Variants in DAB1 observed in about 807,000 individuals in gnomAD.
DAB1 encodes DAB adaptor protein 1.
A neutral mutation model predicts 64.6 loss-of-function variants in DAB1; 15 were observed. The observed-to-expected ratio is 0.23, with a 90% CI of 0.16 to 0.36. DAB1 has a LOEUF of 0.36. DAB1 is among the 10% of genes least tolerant of loss of function. The pLI, the probability that DAB1 is intolerant of heterozygous loss-of-function variation, is 1.00. For missense variants in DAB1, 596 were observed against 706.7 expected (o/e 0.84, Z 1.78); for synonymous variants, 235 against 251.9 (o/e 0.93, Z 0.64).
At chr1:57,199,939 C>T (rs778490615) in intron 2 of DAB1, among the ~76,000 whole-genome samples, 1 of 152,196 alleles carries the variant, frequency 6.6e-6, no homozygotes, top group East Asian at 1.9e-4. Context: ...GTCCAAGCTG[C>T]ACAAGCTGCA....
At chr1:58,417,697 G>GA (rs1157801636) in intron 3 of DAB1, among the ~76,000 whole-genome samples, 3 of 152,228 alleles carry the variant, frequency 2.0e-5, no homozygotes, top group South Asian at 2.1e-4. Flanking sequence ...CTGCTAGGTG[G>GA]AAAAAATAGG....
chr1:57,646,465 C>T lies in DAB1; in HGVS notation n.625+3127G>A, dbSNP rs146240236. ...ATGCTGGTGCACAAAACTCTGGTTG[C>T]TGCTGGGCATGGTGGCTAATGCCTG... On this transcript the variant is annotated intron_variant and non_coding_transcript_variant, in intron 7 of 20. Transcript: ENST00000485760. Among the ~76,000 whole-genome samples, 531 of 152,260 alleles carry T rather than the reference C, an allele frequency of 3.5e-3. 4 individuals carry two copies. The highest frequency in any genetic ancestry group is 0.012 in the African/African-American group (491 of 41,546).
intron 2 of DAB1, among the ~76,000 whole-genome samples, chr1:58,509,545 A>G (rs994020680): frequency 3.3e-5 from 5 of 151,648 alleles, no homozygotes; most frequent in African/African-American, 9.7e-5. Flanking sequence ...TTAAAAAAAA[A>G]AAGAAGAAAG....
At chr1:57,333,971 G>C (rs1676881261) in intron 1 of DAB1, among the ~76,000 whole-genome samples, 3 of 152,176 alleles carry the variant, frequency 2.0e-5, no homozygotes, top group Non-Finnish European at 2.9e-5. Context: ...ACAGAGACAA[G>C]GGTTGGAGGA....
chr1:57,837,739 G>A (rs1422735987), intron 1 of DAB1, among the ~76,000 whole-genome samples: 1 of 151,516 alleles, frequency 6.6e-6, no homozygotes. Context: ...TTTAATACTT[G>A]AGCAGTCTTA....
chr1:57,291,237 G>A (rs1228737731), intron 1 of DAB1, 71 bp from the exon 2 acceptor site: 1 of 407,078 alleles, frequency 2.5e-6, no homozygotes, highest in Non-Finnish European at 4.3e-6. Flanking sequence ...TATAAAAAGT[G>A]AATTGGCAAA....
At chr1:57,494,600 G>A (rs1041860778) in intron 7 of DAB1, among the ~76,000 whole-genome samples, 7 of 152,168 alleles carry the variant, frequency 4.6e-5, no homozygotes, top group South Asian at 2.1e-4. Flanking sequence ...GCTGCTCCTC[G>A]AGGTAAACAC....
intron 7 of DAB1, among the ~76,000 whole-genome samples, chr1:57,620,770 T>C (rs1286563937): frequency 6.6e-6 from 1 of 152,100 alleles, no homozygotes; most frequent in Non-Finnish European, 1.5e-5. Context: ...GAGGAGGACG[T>C]AACAGCTGCA....
intron 6 of DAB1, among the ~76,000 whole-genome samples, chr1:57,790,283 C>A (rs114912846): frequency 2.0e-5 from 3 of 152,054 alleles, no homozygotes; most frequent in African/African-American, 7.3e-5. Flanking sequence ...GGAGTTCTCA[C>A]GAGATTTGAT....
At chr1:57,722,695 T>C (rs1258768996) in intron 6 of DAB1, among the ~76,000 whole-genome samples, 5 of 152,242 alleles carry the variant, frequency 3.3e-5, no homozygotes, top group Admixed American at 1.3e-4. Context: ...GCCTTTCCAA[T>C]TGAGGGGATT....
rs1374294958 is a variant in DAB1 at position 58,469,194 on chromosome 1, T to C, written n.257+36866A>G. The stretch of plus-strand genomic sequence containing the variant: ...GCCATCAGTGATCCAAGAGGCTCCA[T>C]GGTAAGGCTTTGGAATCACACAGAC... On this transcript the variant is annotated intron_variant and non_coding_transcript_variant, in intron 3 of 20. Coordinates refer to the DAB1 transcript ENST00000485760. Among the ~76,000 whole-genome samples the C allele has an allele frequency of 2.6e-5, 4 of 152,332 alleles. No individual in the cohort carries two copies. In the East Asian group the frequency reaches 7.7e-4, roughly 29 times the overall value.
intron 6 of DAB1, among the ~76,000 whole-genome samples, chr1:57,799,550 G>A (rs1651025890): frequency 7.5e-6 from 1 of 133,176 alleles, no homozygotes; most frequent in Admixed American, 8.1e-5. Flanking sequence ...GTCATTGAAG[G>A]TTTTGAGATG....
chr1:58,016,280 G>A (rs1210612402), intron 5 of DAB1, among the ~76,000 whole-genome samples: 1 of 152,090 alleles, frequency 6.6e-6, no homozygotes, highest in East Asian at 1.9e-4. Context: ...CATAATGAAT[G>A]GGCATGGCTA....
At position 58,152,629 on chromosome 1, in the gene DAB1, C is replaced by T. The variant is rs544323063; in HGVS notation, n.310-2041G>A. The stretch of plus-strand genomic sequence containing the variant: ...TTACACGAGCTCTATCATGCTAATC[C>T]CTATTGCAACATCAGACATATACTA... On this transcript the variant is annotated intron_variant and non_coding_transcript_variant, in intron 4 of 20. Coordinates refer to the DAB1 transcript ENST00000485760. Among the ~76,000 whole-genome samples, 14 of 152,278 alleles carry T rather than the reference C, an allele frequency of 9.2e-5. No homozygotes were observed. The South Asian group carries it at 2.9e-3, about 32-fold the overall frequency.
intron 3 of DAB1, among the ~76,000 whole-genome samples, chr1:58,447,797 G>A (rs706449): frequency 0.52 from 77,890 of 151,176 alleles, 22,048 homozygotes; most frequent in African/African-American, 0.76. Flanking sequence ...GTATTCTAAT[G>A]CCGTATATCA....
At chr1:57,650,054 A>T (rs1646238264) in intron 6 of DAB1, among the ~76,000 whole-genome samples, 1 of 152,264 alleles carries the variant, frequency 6.6e-6, no homozygotes, top group Admixed American at 6.5e-5. Flanking sequence ...GAGATCAGTA[A>T]ACAGGCAGGC....
chr1:57,665,335 G>T (rs1218059087), intron 6 of DAB1, among the ~76,000 whole-genome samples: 2 of 152,052 alleles, frequency 1.3e-5, no homozygotes, highest in African/African-American at 4.8e-5. Flanking sequence ...TAAATAAAAA[G>T]GGACAACTAC....
intron 7 of DAB1, among the ~76,000 whole-genome samples, chr1:57,495,424 T>C (rs544595148): frequency 4.9e-4 from 74 of 152,214 alleles, no homozygotes; most frequent in Non-Finnish European, 9.4e-4. Flanking sequence ...ACTTTTCATT[T>C]CAAAGATGAA....
chr1:57,744,973 A>T (rs1303546128), intron 6 of DAB1, among the ~76,000 whole-genome samples: 1 of 152,204 alleles, frequency 6.6e-6, no homozygotes, highest in Non-Finnish European at 1.5e-5. Flanking sequence ...AAGGAGCACT[A>T]GTCTCACATT....
Sources: allele counts gnomAD v4.1 joint callset (sites outside exome capture counted in the v4.1 genomes callset), GRCh38; gene constraint gnomAD v4.1.1; transcripts MANE v1.5; gene names NCBI Gene and HGNC (gene_info 2026-07-23, HGNC 2026-07-21).